Variants in SS18L2 observed in about 807,000 individuals in gnomAD.
SS18L2 encodes SS18-like protein 2.
A neutral mutation model predicts 10.3 loss-of-function variants in SS18L2; 8 were observed. That is an observed-to-expected ratio of 0.78 (90% confidence interval 0.46 to 1.41). SS18L2 has a LOEUF of 1.41. SS18L2 is among the 40% of genes most tolerant of loss of function. The probability of loss-of-function intolerance (pLI) is 0.00; values close to 1 mark genes in which losing one functional copy is unlikely to be tolerated. For missense variants in SS18L2, 100 were observed against 96.2 expected (o/e 1.04, Z -0.17); for synonymous variants, 41 against 34.6 (o/e 1.19, Z -0.65).
upstream of SS18L2, among the ~76,000 whole-genome samples, chr3:42,588,160 T>C (rs1419544994): frequency 1.3e-5 from 2 of 151,156 alleles, no homozygotes; most frequent in African/African-American, 2.4e-5. Flanking sequence ...TCCCAGCACT[T>C]TGGGAGGCCG....
intron 1 of SS18L2, chr3:42,582,007 C>G (rs1034549728): frequency 4.6e-5 from 7 of 152,508 alleles, no homozygotes; most frequent in Non-Finnish European, 4.4e-5. Flanking sequence ...CACCTCCCCC[C>G]TACCCCGCAT....
chr3:42,593,374 G>A (rs942371316), intron 2 of SS18L2, among the ~76,000 whole-genome samples: 5 of 152,182 alleles, frequency 3.3e-5, no homozygotes, highest in Admixed American at 1.3e-4. Flanking sequence ...CCAAGATCAC[G>A]CCACTGCACT....
upstream of SS18L2, among the ~76,000 whole-genome samples, chr3:42,589,769 A>G (rs1478912844): frequency 1.3e-5 from 2 of 152,224 alleles, no homozygotes; most frequent in East Asian, 3.9e-4. Context: ...TCCGTGGAAG[A>G]CAAGAAAAAT....
At chr3:42,584,915 C>T (rs772725764) in intron 1 of SS18L2, among the ~76,000 whole-genome samples, 2 of 152,076 alleles carry the variant, frequency 1.3e-5, no homozygotes, top group African/African-American at 2.4e-5. Flanking sequence ...GTGGGTGGAT[C>T]ACGAGGTCAG....
chr3:42,591,289 C>T (rs1386579850), intron 1 of SS18L2: 1 of 587,354 alleles, frequency 1.7e-6, no homozygotes, highest in South Asian at 2.1e-5. Context: ...ACCACCGCTT[C>T]CTGGCTTCAA....
At chr3:42,588,263 G>A (rs534043828), upstream of SS18L2, among the ~76,000 whole-genome samples, 6 of 151,882 alleles carry the variant, frequency 4.0e-5, 1 homozygote, top group South Asian at 1.0e-3. Context: ...AATTAGCTGG[G>A]CATGGTGGCT....
chr3:42,591,414 C>T (rs1704834746), intron 1 of SS18L2, 111 bp from the exon 2 acceptor site: 6 of 783,572 alleles, frequency 7.7e-6, no homozygotes, highest in South Asian at 7.2e-5. Context: ...AGGCTAGTCT[C>T]GAACTCCTGA....
At chr3:42,584,066 T>G (rs1042983892) in intron 1 of SS18L2, among the ~76,000 whole-genome samples, 1 of 152,206 alleles carries the variant, frequency 6.6e-6, no homozygotes, top group African/African-American at 2.4e-5. Flanking sequence ...ATTGTGGGAC[T>G]TCTCAGCCTC....
intron 2 of SS18L2, among the ~76,000 whole-genome samples, chr3:42,593,969 T>TAGCC (rs1386075227): frequency 1.8e-4 from 27 of 152,270 alleles, no homozygotes; most frequent in Admixed American, 6.5e-4. Flanking sequence ...AACAAAGGTA[T>TAGCC]AGCCATAAGA....
chr3:42,581,923 A>T (rs1186111358), exon 1 of SS18L2: 2 of 152,166 alleles, frequency 1.3e-5, no homozygotes, highest in Non-Finnish European at 2.9e-5. Context: ...GCCGACCGGG[A>T]GGGCTCGGCC....
At chr3:42,585,940 A>T (rs1262130582), upstream of SS18L2, among the ~76,000 whole-genome samples, 1 of 150,106 alleles carries the variant, frequency 6.7e-6, no homozygotes, top group Non-Finnish European at 1.5e-5. Context: ...CCACTCTTCA[A>T]CCCCCCCTCC....
At chr3:42,589,728 A>G (rs1158616685), upstream of SS18L2, among the ~76,000 whole-genome samples, 3 of 152,208 alleles carry the variant, frequency 2.0e-5, no homozygotes, top group Admixed American at 2.0e-4. Flanking sequence ...GATGTGAGGT[A>G]AAAGAGTTTC....
intron 2 of SS18L2, among the ~76,000 whole-genome samples, chr3:42,592,573 A>G (rs1170465137): frequency 2.0e-5 from 3 of 152,214 alleles, no homozygotes; most frequent in Non-Finnish European, 4.4e-5. Context: ...CCTACCCCCT[A>G]GAAAAATTAC....
Position 42,596,576 on chromosome 3 carries a change from T to C in SS18L2, c.*2067T>C, listed in dbSNP as rs1293394617. ...CCACTCTTGGAAGAGATGGAGGAGGTGTCAGTCATTTTGGTTGATACTAGC... is the reference window on the plus strand; with the variant it reads ...CCACTCTTGGAAGAGATGGAGGAGGCGTCAGTCATTTTGGTTGATACTAGC... On this transcript the variant is annotated 3_prime_UTR_variant, in exon 3 of 3. Coordinates refer to ENST00000011691, the MANE Select transcript of SS18L2 (RefSeq NM_001370300.1). 6.6e-6 allele frequency among the ~76,000 whole-genome samples: 1 copy of C among 152,148 alleles called. No individual in the cohort carries two copies. The highest frequency in any genetic ancestry group is 1.5e-5 in the Non-Finnish European group (1 of 68,034).
Position 42,591,199 on chromosome 3 carries a change from TCC to T in SS18L2, c.69+234_69+235del, listed in dbSNP as rs1243228055. 1.0e-3 allele frequency: 546 copies of T among 547,224 alleles called. 5 individuals carry two copies. In the East Asian group the frequency reaches 0.015, roughly 15 times the overall value. The allele number at this position is 547,224 out of a possible 1,614,324, so 33.9% of individuals were successfully genotyped here. ...CGTCACACTGCACTAACCCTTTCTC[TCC>T]TTTTTTTTTTTTTTTTGAGACGGAG... On this transcript the variant is annotated intron_variant, in intron 1 of 2. Transcript: ENST00000011691.
upstream of SS18L2, among the ~76,000 whole-genome samples, chr3:42,586,805 G>A (rs1577367732): frequency 6.6e-6 from 1 of 152,128 alleles, no homozygotes; most frequent in East Asian, 1.9e-4. Context: ...TTGTCCCTGA[G>A]TTTCAGCCCC....
At chr3:42,589,896 T>A (rs1008448687), upstream of SS18L2, among the ~76,000 whole-genome samples, 1 of 152,116 alleles carries the variant, frequency 6.6e-6, no homozygotes. Context: ...CAAGAAGGTA[T>A]GTCCAGCTTC....
At chr3:42,591,360 G>T (rs1220608121) in intron 1 of SS18L2, 165 bp from the exon 2 acceptor site, 2 of 607,928 alleles carry the variant, frequency 3.3e-6, no homozygotes, top group South Asian at 1.9e-5. Context: ...CGCCACTCCC[G>T]GCTAATTTTT....
chr3:42,590,895 G>T lies in SS18L2; in HGVS notation c.-3G>T. On this transcript the variant is annotated 5_prime_UTR_variant, in exon 1 of 3. Transcript: ENST00000011691. ...GCGGTCGTGGTTCCGGAGGTTCCTC[G>T]GGATGTCGGTGGCCTTCGTACCGGA... 1 of 1,613,766 alleles carries T rather than the reference G, an allele frequency of 6.2e-7. No homozygotes were observed. The highest frequency in any genetic ancestry group is 1.3e-5 in the African/African-American group (1 of 74,986).
Sources: allele counts gnomAD v4.1 joint callset (sites outside exome capture counted in the v4.1 genomes callset), GRCh38; gene constraint gnomAD v4.1.1; transcripts MANE v1.5; gene names NCBI Gene and HGNC (gene_info 2026-07-23, HGNC 2026-07-21).